Variants in GUCY2C observed in about 807,000 individuals in gnomAD.
The protein encoded by GUCY2C is guanylyl cyclase C.
Under a neutral mutation model 131.1 loss-of-function variants are expected in GUCY2C, and 118 were observed. That is an observed-to-expected ratio of 0.90 (90% CI 0.78 to 1.05). The LOEUF (loss-of-function observed/expected upper bound fraction) is 1.05. GUCY2C is among the 50% of genes least tolerant of loss of function. The pLI is 0.00. For missense variants in GUCY2C, 1,161 were observed against 1,304.4 expected (o/e 0.89, Z 1.69); for synonymous variants, 452 against 457.8 (o/e 0.99, Z 0.16).
intron 10 of GUCY2C, among the ~76,000 whole-genome samples, chr12:14,661,660 C>T (rs951125552): frequency 3.3e-5 from 5 of 152,026 alleles, no homozygotes; most frequent in African/African-American, 4.8e-5. Flanking sequence ...CATGAACTCC[C>T]GGCCTCAAGC....
chr12:14,694,596 C>A lies in GUCY2C; in HGVS notation c.217+1636G>T, dbSNP rs75882015. ...CAAGTGTTCTTTCCATTGTACCACACTGCCTCGGTAAATAAGGGGACTTCA... is the reference window on the plus strand; with the variant it reads ...CAAGTGTTCTTTCCATTGTACCACAATGCCTCGGTAAATAAGGGGACTTCA... On this transcript the variant is annotated intron_variant, in intron 1 of 26. Transcript: ENST00000261170. Among the ~76,000 whole-genome samples, 316 of 152,314 alleles carry A rather than the reference C, an allele frequency of 2.1e-3. 1 individual carries two copies. Among genetic ancestry groups the A allele is most frequent in the African/African-American group, 7.2e-3 (300 of 41,564 alleles).
intron 11 of GUCY2C, among the ~76,000 whole-genome samples, chr12:14,657,702 G>A (rs1947789835): frequency 6.6e-6 from 1 of 152,116 alleles, no homozygotes; most frequent in Non-Finnish European, 1.5e-5. Context: ...ATCCTTATGA[G>A]AATCTAACTA....
intron 20 of GUCY2C, among the ~76,000 whole-genome samples, chr12:14,626,965 G>C (rs751747042): frequency 2.0e-5 from 3 of 152,202 alleles, no homozygotes; most frequent in Non-Finnish European, 4.4e-5. Flanking sequence ...GAAAAGCCAA[G>C]CTGAGCCTTA....
In GUCY2C at chr12:14,665,219, A is replaced by G. The variant is rs749426383; in HGVS notation, c.1283-4157T>C. 2.3e-3 allele frequency among the ~76,000 whole-genome samples: 275 copies of G among 119,034 alleles called. 1 individual carries two copies. The Middle Eastern group carries it at 0.024, about 10-fold the overall frequency. The allele number at this position is 119,034 out of a possible 152,430, so 78.1% of individuals were successfully genotyped here. On this transcript the variant is annotated intron_variant, in intron 10 of 26. Coordinates refer to ENST00000261170, the MANE Select transcript of GUCY2C (RefSeq NM_004963.4). ...CAACACTGCGAGGCTCCGTCTCAGGAAAAAAAAAAAAAAAAAAAGCTAAGG... is the reference window on the plus strand; with the variant it reads ...CAACACTGCGAGGCTCCGTCTCAGGGAAAAAAAAAAAAAAAAAAGCTAAGG...
chr12:14,692,314 A>G (rs1341589108), intron 1 of GUCY2C, among the ~76,000 whole-genome samples: 5 of 152,234 alleles, frequency 3.3e-5, no homozygotes, highest in Non-Finnish European at 7.3e-5. Flanking sequence ...GACATTAAAG[A>G]CATTTGCAAA....
intron 19 of GUCY2C, 123 bp from the exon 20 acceptor site, chr12:14,628,860 G>C (rs1298817065): frequency 1.5e-6 from 1 of 646,716 alleles, no homozygotes; most frequent in Non-Finnish European, 2.8e-6. Flanking sequence ...CTTCAACTCA[G>C]TGCGGACAAG....
At chr12:14,674,822 G>A in intron 7 of GUCY2C, 62 bp from the exon 8 acceptor site, 1 of 1,306,414 alleles carries the variant, frequency 7.7e-7, no homozygotes, top group South Asian at 1.4e-5. Flanking sequence ...CTTGAGCCTA[G>A]AACAAAAGGT....
intron 1 of GUCY2C, among the ~76,000 whole-genome samples, chr12:14,693,431 C>T (rs1339358730): frequency 6.6e-6 from 1 of 152,110 alleles, no homozygotes; most frequent in Non-Finnish European, 1.5e-5. Context: ...CCCACTAGAT[C>T]CTGAATGTTC....
At chr12:14,686,314 G>A (rs575759257) in intron 2 of GUCY2C, 89 bp from the exon 3 acceptor site, 67 of 954,182 alleles carry the variant, frequency 7.0e-5, no homozygotes, top group Middle Eastern at 4.2e-4. Flanking sequence ...GGCTCCCAGA[G>A]GTTTAGAAAG....
At chr12:14,660,063 G>C (rs753633159) in intron 11 of GUCY2C, among the ~76,000 whole-genome samples, 1 of 152,154 alleles carries the variant, frequency 6.6e-6, no homozygotes, top group Non-Finnish European at 1.5e-5. Flanking sequence ...GGAGCCAAGC[G>C]GTGTTGTCAG....
Position 14,651,401 on chromosome 12 carries a change from T to G in GUCY2C, c.1710+6A>C, listed in dbSNP as rs200500444. The G allele has an allele frequency of 3.0e-4, 405 of 1,350,956 alleles. 4 individuals carry two copies. Among genetic ancestry groups the G allele is most frequent in the East Asian group, 2.7e-3 (118 of 43,704 alleles). 83.7% of individuals were successfully genotyped at this position (1,350,956 alleles called of 1,614,324 possible). ...TAGAAAATTGGAAATGACCATGGTTTCTTACCCGGAGGGATCCTCTCTCAC... is the reference window on the plus strand; with the variant it reads ...TAGAAAATTGGAAATGACCATGGTTGCTTACCCGGAGGGATCCTCTCTCAC... On this transcript the variant is annotated splice_donor_region_variant and intron_variant, in intron 15 of 26. Transcript: ENST00000261170.
intron 1 of GUCY2C, among the ~76,000 whole-genome samples, chr12:14,691,322 T>C (rs1188635875): frequency 6.6e-6 from 1 of 152,212 alleles, no homozygotes; most frequent in African/African-American, 2.4e-5. Context: ...ATGGGTTTAA[T>C]AGCAGTTCAC....
chr12:14,636,596 A>T (rs576414003), intron 19 of GUCY2C, among the ~76,000 whole-genome samples: 1 of 152,298 alleles, frequency 6.6e-6, no homozygotes, highest in East Asian at 1.9e-4. Context: ...AGGATGCCCA[A>T]TTTCACCTCT....
chr12:14,619,221 G>T lies in GUCY2C; in HGVS notation c.2865C>A (p.Ser955=), dbSNP rs1198305743. The T allele has an allele frequency of 1.3e-6, 2 of 1,598,458 alleles. No individual in the cohort carries two copies. The highest frequency in any genetic ancestry group is 1.7e-6 in the Non-Finnish European group (2 of 1,165,994). Residue 955 remains serine, a synonymous_variant, in exon 24 of 27, where the codon TCC becomes TCA. Transcript: ENST00000261170. ...DTVNTASRME[S]TGLPLRIHVS... is the part of the protein sequence containing the mutation. Reference sequence around the variant, plus strand: ...AGTCTCCCTTCTTACGGAGGCCAGTGGATTCCATCCTAGAGGCTGTGTTGA... The same window carrying T: ...AGTCTCCCTTCTTACGGAGGCCAGTTGATTCCATCCTAGAGGCTGTGTTGA...
At chr12:14,637,735 T>C (rs1947302502) in intron 19 of GUCY2C, among the ~76,000 whole-genome samples, 1 of 152,056 alleles carries the variant, frequency 6.6e-6, no homozygotes, top group Non-Finnish European at 1.5e-5. Flanking sequence ...TCAAGATAGA[T>C]TTAAGACTTA....
chr12:14,654,286 C>T (rs1246500059), intron 12 of GUCY2C, among the ~76,000 whole-genome samples: 1 of 152,200 alleles, frequency 6.6e-6, no homozygotes, highest in Non-Finnish European at 1.5e-5. Flanking sequence ...TTTCTGCATT[C>T]AGTGAGTATC....
intron 11 of GUCY2C, among the ~76,000 whole-genome samples, chr12:14,658,436 G>A (rs1378192819): frequency 6.6e-6 from 1 of 152,148 alleles, no homozygotes; most frequent in Non-Finnish European, 1.5e-5. Flanking sequence ...CAGTACATTG[G>A]GAGGCCAAGG....
intron 1 of GUCY2C, among the ~76,000 whole-genome samples, chr12:14,691,034 G>A (rs1362034373): frequency 6.6e-6 from 1 of 152,202 alleles, no homozygotes; most frequent in Non-Finnish European, 1.5e-5. Flanking sequence ...CTTTAAAAGA[G>A]CAAAGCATGT....
At chr12:14,647,497 C>A (rs556306279) in intron 15 of GUCY2C, among the ~76,000 whole-genome samples, 1 of 152,202 alleles carries the variant, frequency 6.6e-6, no homozygotes, top group East Asian at 1.9e-4. Context: ...TTATAATATG[C>A]TTGCTGAGTA....
Sources: gnomAD v4.1 joint callset for allele counts (sites outside exome capture counted in the v4.1 genomes callset) on GRCh38, gnomAD v4.1.1 for gene constraint, MANE v1.5 for transcripts, NCBI Gene and HGNC (gene_info 2026-07-23, HGNC 2026-07-21) for gene names.